The following RASA1 variants were observed in gnomAD, a reference collection of about 807,000 sequenced individuals.
The protein encoded by RASA1 is ras GTPase-activating protein 1.
In RASA1, 25 loss-of-function variants were observed where a neutral mutation model predicts 132.2. That is an observed-to-expected ratio of 0.19 (90% CI 0.14 to 0.26). The LOEUF (loss-of-function observed/expected upper bound fraction) is 0.26, where lower values mean the gene tolerates loss of function less well. Ranked by LOEUF, RASA1 falls within the 10% of genes least tolerant of loss-of-function variation. RASA1 has a pLI of 1.00. For missense variants in RASA1, 964 were observed against 1,299.2 expected (o/e 0.74, Z 3.97); for synonymous variants, 477 against 449.9 (o/e 1.06, Z -0.76).
intron 1 of RASA1, among the ~76,000 whole-genome samples, chr5:87,306,868 CCTT>C (rs760234298): frequency 6.6e-6 from 1 of 152,036 alleles, no homozygotes; most frequent in Non-Finnish European, 1.5e-5. Flanking sequence ...CGCCACCTCC[CCTT>C]TTTTTGAGAC....
chr5:87,310,559 C>A (rs1309414227), intron 1 of RASA1, among the ~76,000 whole-genome samples: 1 of 151,984 alleles, frequency 6.6e-6, no homozygotes, highest in Admixed American at 6.6e-5. Flanking sequence ...AATTTTGTTA[C>A]AATATTCGTG....
At chr5:87,387,457 G>A (rs1762141243) in intron 23 of RASA1, among the ~76,000 whole-genome samples, 1 of 152,154 alleles carries the variant, frequency 6.6e-6, no homozygotes, top group Non-Finnish European at 1.5e-5. Context: ...CTAGGACCCT[G>A]CCTTTCTTAA....
chr5:87,338,532 T>A (rs1264439015), intron 5 of RASA1, among the ~76,000 whole-genome samples: 1 of 59,704 alleles, frequency 1.7e-5, no homozygotes, highest in Non-Finnish European at 4.2e-5. Context: ...TATATATATA[T>A]AAAATTTTTT....
chr5:87,389,604 G>A, intron 24 of RASA1, 77 bp downstream of exon 24: 1 of 1,552,752 alleles, frequency 6.4e-7, no homozygotes, highest in South Asian at 1.1e-5. Flanking sequence ...GCTGAATTCT[G>A]GTTAACATTT....
chr5:87,289,003 G>A (rs388340), intron 1 of RASA1, among the ~76,000 whole-genome samples: 83,119 of 151,912 alleles, frequency 0.55, 22,668 homozygotes, highest in Admixed American at 0.58. Context: ...TTCATATATC[G>A]TCAGTTATTC....
intron 1 of RASA1, among the ~76,000 whole-genome samples, chr5:87,316,290 T>C (rs1237621273): frequency 6.6e-6 from 1 of 152,216 alleles, no homozygotes; most frequent in Non-Finnish European, 1.5e-5. Flanking sequence ...ACTATAGTTA[T>C]CTTATTGAGG....
At chr5:87,319,686 C>T (rs374968494) in intron 1 of RASA1, among the ~76,000 whole-genome samples, 31 of 152,318 alleles carry the variant, frequency 2.0e-4, no homozygotes, top group Admixed American at 3.3e-4. Flanking sequence ...CTTAGACCTC[C>T]AGGCCTGTAC....
chr5:87,387,230 T>G (rs1762122149), intron 23 of RASA1, among the ~76,000 whole-genome samples: 1 of 150,858 alleles, frequency 6.6e-6, no homozygotes, highest in Admixed American at 6.6e-5. Flanking sequence ...CCTCCTTAGC[T>G]TTTTTACTTT....
chr5:87,269,058 A>G (rs1433281460), intron 1 of RASA1, 68 bp downstream of exon 1: 1 of 1,614,114 alleles, frequency 6.2e-7, no homozygotes, highest in African/African-American at 1.3e-5. Context: ...ATGAAGGGGT[A>G]AATCATACTT....
intron 4 of RASA1, among the ~76,000 whole-genome samples, chr5:87,333,595 G>A (rs1757750431): frequency 6.6e-6 from 1 of 152,146 alleles, no homozygotes; most frequent in African/African-American, 2.4e-5. Context: ...CACAAAGTAA[G>A]GAGAGTTCTG....
intron 4 of RASA1, among the ~76,000 whole-genome samples, chr5:87,334,032 A>T (rs1262917424): frequency 2.0e-5 from 3 of 152,176 alleles, no homozygotes; most frequent in African/African-American, 4.8e-5. Flanking sequence ...AGTGTGTTTC[A>T]TGTAACTATG....
chr5:87,306,452 G>T (rs575934084), intron 1 of RASA1, among the ~76,000 whole-genome samples: 2 of 152,204 alleles, frequency 1.3e-5, no homozygotes, highest in Admixed American at 6.5e-5. Flanking sequence ...ACACACTGGG[G>T]CCTAATTGAG....
intron 1 of RASA1, among the ~76,000 whole-genome samples, chr5:87,324,980 CTG>C (rs1212745941): frequency 1.3e-5 from 2 of 151,934 alleles, no homozygotes; most frequent in Admixed American, 1.3e-4. Context: ...CTTTAGCAGA[CTG>C]TATTAGTTCA....
At chr5:87,376,602 T>C in intron 16 of RASA1, 37 bp downstream of exon 16, 1 of 1,587,942 alleles carries the variant, frequency 6.3e-7, no homozygotes, top group Non-Finnish European at 8.6e-7. Context: ...TTTGTTGGAA[T>C]TAACAGAAAC....
intron 1 of RASA1, chr5:87,318,790 C>T (rs1756544284): frequency 6.6e-6 from 1 of 152,236 alleles, no homozygotes; most frequent in Non-Finnish European, 1.5e-5. Context: ...CATGTCAAGA[C>T]ACAATCATGC....
chr5:87,381,326 T>TATTG (rs1376155410), intron 20 of RASA1, among the ~76,000 whole-genome samples: 1 of 152,238 alleles, frequency 6.6e-6, no homozygotes, highest in African/African-American at 2.4e-5. Context: ...CCTTGAGTCT[T>TATTG]ATTGTAGGCT....
rs1310340980 is a variant in RASA1 at position 87,292,598 on chromosome 5, T to TC, written c.539+23610dup. Among the ~76,000 whole-genome samples, 21 of 152,276 alleles carry TC rather than the reference T, an allele frequency of 1.4e-4. No individual in the cohort carries two copies. In the East Asian group the frequency reaches 4.0e-3, roughly 29 times the overall value. ...TAATAAGTCTAGTAGTGTCAATCCC[T>TC]CCGACTTTTTCTTTCAATGTTATGT... On this transcript the variant is annotated intron_variant, in intron 1 of 24. Coordinates refer to ENST00000274376, the MANE Select transcript of RASA1 (RefSeq NM_002890.3).
At chr5:87,352,136 C>A (rs1759320076) in intron 8 of RASA1, among the ~76,000 whole-genome samples, 2 of 151,572 alleles carry the variant, frequency 1.3e-5, no homozygotes, top group Admixed American at 1.3e-4. Context: ...TTATTTATCT[C>A]ATTTTCACCA....
intron 1 of RASA1, among the ~76,000 whole-genome samples, chr5:87,313,056 G>C (rs1756039082): frequency 6.6e-6 from 1 of 152,172 alleles, no homozygotes; most frequent in African/African-American, 2.4e-5. Flanking sequence ...GGCTGAACAG[G>C]CGTCTTACAA....
Sources: gnomAD v4.1 joint callset for allele counts (sites outside exome capture counted in the v4.1 genomes callset) on GRCh38, gnomAD v4.1.1 for gene constraint, MANE v1.5 for transcripts, NCBI Gene and HGNC (gene_info 2026-07-23, HGNC 2026-07-21) for gene names.